Variants in GLUD1 observed in about 807,000 individuals in gnomAD.
GLUD1 encodes glutamate dehydrogenase 1.
Under a neutral mutation model 56.0 loss-of-function variants are expected in GLUD1, and 22 were observed. The observed-to-expected ratio is 0.39, with a 90% CI of 0.28 to 0.56. The LOEUF (loss-of-function observed/expected upper bound fraction) is 0.56. Among genes scored for constraint, GLUD1 ranks in the 20% least tolerant of loss-of-function variants. The probability of loss-of-function intolerance (pLI) is 0.58; values close to 1 mark genes in which losing one functional copy is unlikely to be tolerated. For synonymous variants in GLUD1, 223 were observed against 269.9 expected (o/e 0.83, Z 1.70); for missense variants, 451 against 732.0 (o/e 0.62, Z 4.43).
chr10:87,053,442 A>C, intron 11 of GLUD1, 38 bp from the exon 12 acceptor site: 1 of 1,282,818 alleles, frequency 7.8e-7, no homozygotes, highest in Non-Finnish European at 1.1e-6. Context: ...CAAAACCACA[A>C]AGACCTGCTT....
At chr10:87,069,372 G>A (rs1200923634) in intron 4 of GLUD1, among the ~76,000 whole-genome samples, 7 of 151,844 alleles carry the variant, frequency 4.6e-5, no homozygotes, top group African/African-American at 1.2e-4. Flanking sequence ...AAAATTAGCC[G>A]GGCGTGGTGG....
chr10:87,060,154 G>GACTT lies in GLUD1; in HGVS notation c.1278+3_1278+6dup. 1 of 1,548,154 alleles carries GACTT rather than the reference G, an allele frequency of 6.5e-7. No homozygotes were observed. Among genetic ancestry groups the GACTT allele is most frequent in the South Asian group, 1.1e-5 (1 of 89,636 alleles). On this transcript the variant is annotated splice_region_variant and intron_variant, in intron 9 of 12. Coordinates refer to ENST00000277865, the MANE Select transcript of GLUD1 (RefSeq NM_005271.5). ...CATATAAAGCCTAATAAATATAGAT[G>GACTT]ACTTACTGGAATAACCATAATGTTT...
chr10:87,071,278 C>A (rs899951487), intron 4 of GLUD1, among the ~76,000 whole-genome samples: 10 of 151,724 alleles, frequency 6.6e-5, no homozygotes, highest in Admixed American at 5.9e-4. Context: ...CTGCAACCTC[C>A]GCCTTCCAGG....
intron 1 of GLUD1, among the ~76,000 whole-genome samples, chr10:87,081,374 C>T (rs1472034707): frequency 1.3e-5 from 2 of 151,550 alleles, no homozygotes; most frequent in South Asian, 2.1e-4. Context: ...AGGTGAGGGG[C>T]GCCTCTGCCC....
chr10:87,052,668 TCAAA>T lies in GLUD1; in HGVS notation c.1557+670_1557+673del, dbSNP rs1299216195. On this transcript the variant is annotated intron_variant, in intron 12 of 12. Coordinates refer to ENST00000277865, the MANE Select transcript of GLUD1 (RefSeq NM_005271.5). Reference sequence around the variant, plus strand: ...CTGGGCAACAGGGCAAAACTCCGTCTCAAAAAAAAAAAAAAAAAAAAAAAAAAGG... The same window carrying T: ...CTGGGCAACAGGGCAAAACTCCGTCTAAAAAAAAAAAAAAAAAAAAAAAGG... Among the ~76,000 whole-genome samples the T allele has an allele frequency of 8.0e-3, 132 of 16,560 alleles. 1 individual carries two copies. The highest frequency in any genetic ancestry group is 0.017 in the African/African-American group (128 of 7,656). The allele number at this position is 16,560 out of a possible 152,430, so 10.9% of individuals were successfully genotyped here.
At chr10:87,091,582 C>G (rs1841510677) in intron 1 of GLUD1, 18 of 967,384 alleles carry the variant, frequency 1.9e-5, no homozygotes, top group Non-Finnish European at 2.2e-5. Flanking sequence ...CTTTCAAATC[C>G]TTAACACAGA....
chr10:87,094,447 A>G lies in GLUD1; in HGVS notation c.323T>C (p.Ile108Thr). Reference sequence around the variant, plus strand: ...CAGCACATGGTTGCAGGGCTTGATGATCCGCAGGATGCCGCGCACCCGGTT... The same window carrying G: ...CAGCACATGGTTGCAGGGCTTGATGGTCCGCAGGATGCCGCGCACCCGGTT... ...KRNRVRGILR[I>T]IKPCNHVLSL... is the part of the protein sequence containing the mutation. The change falls in exon 1 of 13, where the codon ATC (isoleucine) becomes ACC (threonine). Residue 108 changes from isoleucine to threonine, a missense_variant. Physicochemically the swap from Ile to Thr is moderately conservative, Grantham distance 89 (BLOSUM62 -1). Coordinates refer to ENST00000277865, the MANE Select transcript of GLUD1 (RefSeq NM_005271.5). This position sits in a 1 kb window ranked among gnomAD's most constrained non-coding sequence, Gnocchi z 6.6. The G allele has an allele frequency of 1.2e-6, 2 of 1,613,702 alleles. No homozygotes were observed. Among genetic ancestry groups the G allele is most frequent in the Non-Finnish European group, 1.7e-6 (2 of 1,179,944 alleles).
chr10:87,052,454 C>T (rs967131733), intron 12 of GLUD1, among the ~76,000 whole-genome samples: 3 of 152,026 alleles, frequency 2.0e-5, no homozygotes, highest in Non-Finnish European at 2.9e-5. Context: ...CACCATTGCA[C>T]TCCAGCTGGG....
At chr10:87,080,171 C>G (rs1037312580) in intron 1 of GLUD1, among the ~76,000 whole-genome samples, 3 of 151,968 alleles carry the variant, frequency 2.0e-5, no homozygotes, top group Non-Finnish European at 4.4e-5. Context: ...AGCTCCTAAC[C>G]GCGAGTGATC....
chr10:87,055,354 G>T (rs531783864), intron 11 of GLUD1, among the ~76,000 whole-genome samples: 46 of 152,220 alleles, frequency 3.0e-4, no homozygotes, highest in African/African-American at 1.0e-3. Flanking sequence ...AACATGGCAG[G>T]GTCATGATGT....
chr10:87,065,247 C>T (rs544337519), intron 5 of GLUD1, among the ~76,000 whole-genome samples: 23 of 119,878 alleles, frequency 1.9e-4, no homozygotes, highest in Admixed American at 1.8e-3. Flanking sequence ...GACCTGAGAT[C>T]GGGTGACAGA....
Position 87,060,924 on chromosome 10 carries a change from G to A in GLUD1, c.1050C>T (p.Asp350=), listed in dbSNP as rs1845913620. 3.7e-6 allele frequency: 6 copies of A among 1,614,062 alleles called. No individual in the cohort carries two copies. The highest frequency in any genetic ancestry group is 5.1e-6 in the Non-Finnish European group (6 of 1,179,944). ...AAAAATGTATTAATACCAATTTGAA[G>A]TCTTCCAGTTCCTTTGGGTCAATAC... ...PDGIDPKELE[D]FKLQHGSILG... The change falls in exon 7 of 13, where the codon GAC becomes GAT. Residue 350 remains aspartate (D), a synonymous_variant. Transcript: ENST00000277865.
At chr10:87,053,966 C>T (rs1350000263) in intron 11 of GLUD1, among the ~76,000 whole-genome samples, 1 of 151,746 alleles carries the variant, frequency 6.6e-6, no homozygotes, top group Non-Finnish European at 1.5e-5. Context: ...AGAAGATGGC[C>T]AAGGTTACAG....
At chr10:87,053,085 C>T (rs981290112) in intron 12 of GLUD1, among the ~76,000 whole-genome samples, 7 of 152,222 alleles carry the variant, frequency 4.6e-5, no homozygotes, top group South Asian at 2.1e-4. Context: ...CTACTCCATA[C>T]TGGGCTAGCT....
Position 87,094,429 on chromosome 10 carries a change from T to G in GLUD1, c.341A>C (p.His114Pro). 1 of 1,613,716 alleles carries G rather than the reference T, an allele frequency of 6.2e-7. No individual in the cohort carries two copies. The highest frequency in any genetic ancestry group is 8.5e-7 in the Non-Finnish European group (1 of 1,179,940). The change falls in exon 1 of 13, where the codon CAT becomes CCT. Residue 114 changes from histidine to proline, a missense_variant. Physicochemically the swap from His to Pro is moderately conservative, Grantham distance 77 (BLOSUM62 -2). This residue lies in a region of GLUD1 where 158 missense variants were observed against 189.7 expected (regional missense o/e 0.83). Transcript: ENST00000277865. The surrounding 1 kb of genome is among the most constrained non-coding windows in gnomAD (Gnocchi z 6.6). ...GATGGGGAAGGAGAGACTCAGCACA[T>G]GGTTGCAGGGCTTGATGATCCGCAG... Reference protein sequence around the residue: ...GILRIIKPCNHVLSLSFPIRR... With the variant: ...GILRIIKPCNPVLSLSFPIRR...
At chr10:87,054,215 T>A (rs899051882) in intron 11 of GLUD1, among the ~76,000 whole-genome samples, 24 of 152,208 alleles carry the variant, frequency 1.6e-4, no homozygotes, top group African/African-American at 5.1e-4. Context: ...GGGGACATAG[T>A]AGAGAATAAA....
intron 9 of GLUD1, 57 bp downstream of exon 9, chr10:87,060,104 C>A: frequency 9.0e-7 from 1 of 1,116,990 alleles, no homozygotes; most frequent in South Asian, 1.2e-5. Flanking sequence ...AAATTCCTTG[C>A]AAAAGACTAT....
rs555738687 is a variant in GLUD1 at position 87,051,315 on chromosome 10, T to C, written c.*436A>G. On this transcript the variant is annotated 3_prime_UTR_variant, in exon 13 of 13. Transcript: ENST00000277865. ...ATACTAAGAACTCACTTGAGGACCA[T>C]GCCACCTTCTGAAAAGGCCACACAC... 7.0e-5 allele frequency: 17 copies of C among 242,068 alleles called. No individual in the cohort carries two copies. In the East Asian group the frequency reaches 1.7e-3, roughly 24 times the overall value. The allele number at this position is 242,068 out of a possible 1,614,324, so 15.0% of individuals were successfully genotyped here.
At chr10:87,073,175 T>G (rs528012330) in intron 4 of GLUD1, among the ~76,000 whole-genome samples, 1 of 152,292 alleles carries the variant, frequency 6.6e-6, no homozygotes, top group South Asian at 2.1e-4. Flanking sequence ...TGAGATGTGG[T>G]CTCGTTTTGT....
Sources: allele counts gnomAD v4.1 joint callset (sites outside exome capture counted in the v4.1 genomes callset), GRCh38; gene constraint gnomAD v4.1.1; regional missense constraint gnomAD v4.1.1; non-coding constraint Gnocchi (gnomAD v3.1); transcripts MANE v1.5; gene names NCBI Gene and HGNC (gene_info 2026-07-23, HGNC 2026-07-21).